FAM217B: variants seen among roughly 807,000 people sequenced by gnomAD.
The protein encoded by FAM217B is protein FAM217B.
For missense variants in FAM217B, 463 were observed against 456.9 expected (o/e 1.01, Z -0.12); for synonymous variants, 163 against 173.0 (o/e 0.94, Z 0.45).
At chr20:59,936,484 G>GCAGA (rs1165702013), upstream of FAM217B, among the ~76,000 whole-genome samples, 1 of 152,214 alleles carries the variant, frequency 6.6e-6, no homozygotes, top group East Asian at 1.9e-4. Flanking sequence ...GATCCGGAAG[G>GCAGA]CAGACAGACA....
In FAM217B at chr20:59,945,047, A is replaced by G. The variant is rs747444769; in HGVS notation, c.1104A>G (p.Lys368=). 2 of 1,602,866 alleles carry G rather than the reference A, an allele frequency of 1.2e-6. No individual in the cohort carries two copies. The highest frequency in any genetic ancestry group is 2.7e-5 in the African/African-American group (2 of 73,952). Residue 368 remains lysine, a synonymous_variant, in exon 4 of 4, where the codon AAA becomes AAG. Transcript: ENST00000360816. ...SCGHATVSSE[K]KLKTNGVKQN... ...GTCATGCCACTGTATCGAGTGAGAA[A>G]AAACTGAAAACAAACGGAGTAAAGC...
intron 1 of FAM217B, among the ~76,000 whole-genome samples, chr20:59,935,364 C>T (rs746646570): frequency 2.6e-5 from 4 of 152,108 alleles, no homozygotes; most frequent in Non-Finnish European, 4.4e-5. Context: ...ATTTAGTAAA[C>T]ATCCGTAAAC....
chr20:59,937,632 GCTT>G (rs1004278586), upstream of FAM217B: 10 of 151,320 alleles, frequency 6.6e-5, no homozygotes, highest in Non-Finnish European at 1.0e-4. Flanking sequence ...TGTATCATAA[GCTT>G]CACAAATTGG....
chr20:59,939,593 C>T (rs769493953), upstream of FAM217B: 1 of 1,603,298 alleles, frequency 6.2e-7, no homozygotes, highest in South Asian at 1.1e-5. Context: ...TGACCTGTGC[C>T]AGCTCCAAGC....
At chr20:59,940,290 C>T (rs1477296586), upstream of FAM217B, 2 of 184,790 alleles carry the variant, frequency 1.1e-5, no homozygotes, top group Middle Eastern at 2.2e-3. Context: ...CGGTCCGCGG[C>T]GTTACTTACA....
chr20:59,941,513 A>C (rs2060904855), intron 1 of FAM217B, among the ~76,000 whole-genome samples: 1 of 152,248 alleles, frequency 6.6e-6, no homozygotes, highest in Non-Finnish European at 1.5e-5. Flanking sequence ...TGATACGGGA[A>C]AGAGAAGTAT....
rs1601048488 is a variant in FAM217B, at chr20:59,944,529, G to A, written c.586G>A (p.Val196Ile). ...GCTTGAGTGGCTGCAAGTCCAGACT[G>A]TACAGTGTGAAAAAGCAAAGGGGGG... The part of the protein sequence containing the change: ...IQLEWLQVQT[V>I]QCEKAKGGKA... Residue 196 changes from valine (V) to isoleucine (I), a missense_variant, in exon 4 of 4, where the codon GTA becomes ATA. Physicochemically the swap from Val to Ile is conservative, Grantham distance 29 (BLOSUM62 3). Coordinates refer to ENST00000360816, the MANE Select transcript of FAM217B (RefSeq NM_022106.3). 2 of 1,613,892 alleles carry A rather than the reference G, an allele frequency of 1.2e-6. No individual in the cohort carries two copies. The highest frequency in any genetic ancestry group is 2.7e-5 in the African/African-American group (2 of 74,846).
Position 59,944,194 on chromosome 20 carries a change from T to G in FAM217B, c.251T>G (p.Ile84Ser), listed in dbSNP as rs1176725144. 4 of 1,613,980 alleles carry G rather than the reference T, an allele frequency of 2.5e-6. No individual in the cohort carries two copies. Among genetic ancestry groups the G allele is most frequent in the Non-Finnish European group, 3.4e-6 (4 of 1,180,014 alleles). The change falls in exon 4 of 4, where the codon ATT becomes AGT. Residue 84 changes from isoleucine to serine, a missense_variant. By Grantham distance (142) the Ile-to-Ser change is moderately radical. Coordinates refer to ENST00000360816, the MANE Select transcript of FAM217B (RefSeq NM_022106.3). ...KLFLDFQSMKIIKENADEDSA... is the reference protein window; with the variant it reads ...KLFLDFQSMKSIKENADEDSA... The stretch of plus-strand genomic sequence containing the variant: ...TTTCTTGATTTTCAGTCAATGAAAA[T>G]TATTAAAGAGAATGCTGATGAGGAC...
Position 59,947,616 on chromosome 20 carries a change from G to A in FAM217B, c.*2521G>A, listed in dbSNP as rs1259859215. 1 of 167,024 alleles carries A rather than the reference G, an allele frequency of 6.0e-6. No individual in the cohort carries two copies. The highest frequency in any genetic ancestry group is 2.4e-5 in the African/African-American group (1 of 41,442). 10.3% of individuals were successfully genotyped at this position (167,024 alleles called of 1,614,324 possible). A position where few individuals can be genotyped will look rare whatever the true frequency, so the allele number is the denominator to read the frequency against. The stretch of plus-strand genomic sequence containing the variant: ...CTGGGGAATAGTCATAATTTCATGT[G>A]TTATACAGTTTAAAAAGCCTGCAAA... On this transcript the variant is annotated 3_prime_UTR_variant, in exon 4 of 4. Coordinates refer to ENST00000360816, the MANE Select transcript of FAM217B (RefSeq NM_022106.3).
upstream of FAM217B, chr20:59,936,580 T>C (rs183840527): frequency 7.2e-5 from 11 of 152,326 alleles, no homozygotes; most frequent in Admixed American, 5.2e-4. Flanking sequence ...CCCTAGAGCT[T>C]TCTTCATACC....
Position 59,944,427 on chromosome 20 carries a change from C to T in FAM217B, c.484C>T (p.Leu162=), listed in dbSNP as rs2060923872. The T allele has an allele frequency of 6.2e-7, 1 of 1,613,998 alleles. No individual in the cohort carries two copies. The highest frequency in any genetic ancestry group is 8.5e-7 in the Non-Finnish European group (1 of 1,179,992). ...GGACCTACGAGATATGGCCCTGCTT[C>T]TGAACGCAGAGAACAAAACGGAAGC... The part of the protein sequence containing the change: ...SWDLRDMALL[L]NAENKTEAVP... The change falls in exon 4 of 4, where the codon CTG becomes TTG. Residue 162 remains leucine, a synonymous_variant. Transcript: ENST00000360816.
At chr20:59,938,830 G>T, upstream of FAM217B, 1 of 450,196 alleles carries the variant, frequency 2.2e-6, no homozygotes, top group Non-Finnish European at 3.7e-6. Flanking sequence ...GGCCACCTGA[G>T]GCTACTTTTT....
At position 59,944,412 on chromosome 20, in the gene FAM217B, G is replaced by A. The variant is rs1339718338; in HGVS notation, c.469G>A (p.Asp157Asn). ...PSPFSSWDLR[D>N]MALLLNAENK... ...CCCTTTCAGCTCCTGGGACCTACGA[G>A]ATATGGCCCTGCTTCTGAACGCAGA... Residue 157 changes from aspartate to asparagine, a missense_variant, in exon 4 of 4, where the codon GAT (aspartate) becomes AAT (asparagine). Asp to Asn is a conservative substitution (Grantham distance 23, BLOSUM62 1). Coordinates refer to ENST00000360816, the MANE Select transcript of FAM217B (RefSeq NM_022106.3). The A allele has an allele frequency of 3.7e-6, 6 of 1,613,964 alleles. No homozygotes were observed. The African/African-American group carries it at 6.7e-5, about 18-fold the overall frequency.
chr20:59,935,597 A>G (rs2060857627), upstream of FAM217B, among the ~76,000 whole-genome samples: 2 of 152,186 alleles, frequency 1.3e-5, no homozygotes, highest in African/African-American at 4.8e-5. Flanking sequence ...GCTAGGCCCT[A>G]TCTCTACAAA....
Position 59,946,176 on chromosome 20 carries a change from C to T in FAM217B, c.*1081C>T, listed in dbSNP as rs1465900537. 6.0e-6 allele frequency: 1 copy of T among 167,032 alleles called. No individual in the cohort carries two copies. The allele number at this position is 167,032 out of a possible 1,614,324, so 10.3% of individuals were successfully genotyped here. A position where few individuals can be genotyped will look rare whatever the true frequency, so the allele number is the denominator to read the frequency against. ...GGTTGCTGAATGAATTCTAAACTCG[C>T]TTATCTGGTCTTCAGGCTTCCCAAC... On this transcript the variant is annotated 3_prime_UTR_variant, in exon 4 of 4. Transcript: ENST00000360816.
rs769992045 is a variant in FAM217B at position 59,942,203 on chromosome 20, G to A, written c.-197G>A. 2.6e-5 allele frequency: 4 copies of A among 152,576 alleles called. No homozygotes were observed. The highest frequency in any genetic ancestry group is 5.9e-5 in the Non-Finnish European group (4 of 68,016). The allele number at this position is 152,576 out of a possible 1,614,324, so 9.5% of individuals were successfully genotyped here. ...CAGTATTCTGTTGCTTCTAGTTCCGGTGGTGAGGAGACCTTTCCAAATATA... is the reference window on the plus strand; with the variant it reads ...CAGTATTCTGTTGCTTCTAGTTCCGATGGTGAGGAGACCTTTCCAAATATA... On this transcript the variant is annotated 5_prime_UTR_variant, in exon 2 of 4. The change creates a new upstream start codon in the 5' untranslated region. Coordinates refer to ENST00000360816, the MANE Select transcript of FAM217B (RefSeq NM_022106.3).
rs1680704935 is a variant in FAM217B at position 59,945,152 on chromosome 20, C to T, written c.*57C>T. On this transcript the variant is annotated 3_prime_UTR_variant, in exon 4 of 4. Coordinates refer to ENST00000360816, the MANE Select transcript of FAM217B (RefSeq NM_022106.3). ...AGGTACCTCAATGTTAGAGCGCTTC[C>T]AAAAGTCAAAATACTGTGAATTTTA... The T allele has an allele frequency of 2.6e-5, 36 of 1,363,802 alleles. No individual in the cohort carries two copies. The South Asian group carries it at 5.3e-4, about 20-fold the overall frequency. The allele number at this position is 1,363,802 out of a possible 1,614,324, so 84.5% of individuals were successfully genotyped here.
In FAM217B at chr20:59,943,947, A is replaced by C. The variant is rs758502927; in HGVS notation, c.4A>C (p.Asn2His). The C allele has an allele frequency of 6.3e-7, 1 of 1,592,160 alleles. No individual in the cohort carries two copies. Among genetic ancestry groups the C allele is most frequent in the South Asian group, 1.1e-5 (1 of 87,670 alleles). ...AGTTTTATTTTCTCACAGCAATATG[A>C]ATGCTGGCCCATCTTGGAATAAAGT... M[N>H]AGPSWNKVQH... Residue 2 changes from asparagine (N) to histidine (H), a missense_variant, in exon 4 of 4, where the codon AAT (asparagine) becomes CAT (histidine). Physicochemically the swap from Asn to His is moderately conservative, Grantham distance 68 (BLOSUM62 1). Transcript: ENST00000360816.
rs540882492 is a variant in FAM217B, at chr20:59,944,307, A to T, written c.364A>T (p.Ile122Phe). The T allele has an allele frequency of 6.2e-7, 1 of 1,614,118 alleles. No homozygotes were observed. Among genetic ancestry groups the T allele is most frequent in the African/African-American group, 1.3e-5 (1 of 75,008 alleles). The change falls in exon 4 of 4, where the codon ATT becomes TTT. Residue 122 changes from isoleucine to phenylalanine, a missense_variant. By Grantham distance (21) the Ile-to-Phe change is conservative (BLOSUM62 0). Transcript: ENST00000360816. ...PPDLNLRAEE[I>F]DPVYFDLHPG... The stretch of plus-strand genomic sequence containing the variant: ...AGATCTCAATCTTCGAGCTGAAGAA[A>T]TTGATCCAGTTTACTTTGATCTTCA...
Sources: gnomAD v4.1 joint callset for allele counts (sites outside exome capture counted in the v4.1 genomes callset) on GRCh38, gnomAD v4.1.1 for gene constraint, MANE v1.5 for transcripts, NCBI Gene and HGNC (gene_info 2026-07-23, HGNC 2026-07-21) for gene names.